The following PCDHA4 variants were observed in gnomAD, a reference collection of about 807,000 sequenced individuals.
The protein encoded by PCDHA4 is protocadherin alpha 4.
Under a neutral mutation model 61.4 loss-of-function variants are expected in PCDHA4, and 49 were observed. That is an observed-to-expected ratio of 0.80 (90% confidence interval 0.63 to 1.01). The LOEUF (loss-of-function observed/expected upper bound fraction) is 1.01, where lower values mean the gene tolerates loss of function less well. Ranked by LOEUF, PCDHA4 falls within the 50% of genes least tolerant of loss-of-function variation. The pLI is 0.00. For missense variants in PCDHA4, 1,254 were observed against 1,235.8 expected (o/e 1.01, Z -0.22); for synonymous variants, 590 against 550.3 (o/e 1.07, Z -1.01).
At chr5:140,881,559 C>A (rs1293330721) in intron 1 of PCDHA4, among the ~76,000 whole-genome samples, 1 of 152,174 alleles carries the variant, frequency 6.6e-6, no homozygotes, top group East Asian at 1.9e-4. Context: ...ATATAAATAT[C>A]TTATCTACAT....
At chr5:140,829,503 G>C (rs2150169106) in intron 1 of PCDHA4, 4 of 1,613,554 alleles carry the variant, frequency 2.5e-6, no homozygotes, top group Non-Finnish European at 2.5e-6. Flanking sequence ...AACCCGCCGG[G>C]CTGCCACATC....
intron 1 of PCDHA4, among the ~76,000 whole-genome samples, chr5:140,900,590 G>A (rs984247729): frequency 3.3e-5 from 5 of 152,174 alleles, no homozygotes; most frequent in South Asian, 2.1e-4. Flanking sequence ...TTCTTTACCC[G>A]TTCATCTGAT....
At chr5:140,870,053 T>C (rs782629825) in intron 1 of PCDHA4, 4 of 1,613,810 alleles carry the variant, frequency 2.5e-6, no homozygotes, top group Middle Eastern at 1.6e-4. Context: ...TTTTATAAAA[T>C]TGAAGTACAG....
At chr5:140,901,583 T>C (rs530803677) in intron 1 of PCDHA4, among the ~76,000 whole-genome samples, 14 of 152,340 alleles carry the variant, frequency 9.2e-5, no homozygotes, top group African/African-American at 3.4e-4. Context: ...GCCAGTGCCA[T>C]GATGTTTTGG....
intron 3 of PCDHA4, among the ~76,000 whole-genome samples, chr5:140,998,105 A>G (rs1554256162): frequency 6.6e-6 from 1 of 152,204 alleles, no homozygotes; most frequent in African/African-American, 2.4e-5. Context: ...CAAACAGAGG[A>G]GAAAATTTAC....
At chr5:140,880,586 G>C (rs1212732393) in intron 1 of PCDHA4, among the ~76,000 whole-genome samples, 1 of 152,206 alleles carries the variant, frequency 6.6e-6, no homozygotes, top group African/African-American at 2.4e-5. Context: ...AGAGGAAAGA[G>C]AATATGGAAG....
At chr5:140,993,509 CGG>C (rs2097568014) in intron 3 of PCDHA4, among the ~76,000 whole-genome samples, 2 of 143,600 alleles carry the variant, frequency 1.4e-5, no homozygotes, top group South Asian at 4.6e-4. Context: ...CACACACACA[CGG>C]GGAGAGAGAG....
rs375481139 is a variant in PCDHA4 at position 140,894,977 on chromosome 5, C to T, written c.2386-83972C>T. ...AAAAATATAATTTTTTAATGTCTTA[C>T]TTTGTGACATCCTTTACCCTTTTTA... On this transcript the variant is annotated intron_variant, in intron 1 of 3. Coordinates refer to ENST00000530339, the MANE Select transcript of PCDHA4 (RefSeq NM_018907.4). Among the ~76,000 whole-genome samples the T allele has an allele frequency of 4.5e-4, 69 of 152,216 alleles. No homozygotes were observed. The South Asian group carries it at 0.014, about 30-fold the overall frequency.
At chr5:140,895,130 G>A (rs1423440826) in intron 1 of PCDHA4, among the ~76,000 whole-genome samples, 11 of 152,232 alleles carry the variant, frequency 7.2e-5, no homozygotes, top group African/African-American at 2.6e-4. Flanking sequence ...TAGTTGACAA[G>A]TTCATAGGGC....
chr5:140,959,408 A>C (rs1554224058), intron 1 of PCDHA4, among the ~76,000 whole-genome samples: 2 of 152,124 alleles, frequency 1.3e-5, no homozygotes, highest in Non-Finnish European at 1.5e-5. Context: ...TAAAGTGTTG[A>C]TTGATCTGAG....
rs183413454 is a variant in PCDHA4 at position 140,846,304 on chromosome 5, C to A, written c.2385+36732C>A. Among the ~76,000 whole-genome samples, 113 of 148,752 alleles carry A rather than the reference C, an allele frequency of 7.6e-4. 8 individuals are homozygous for A. Among genetic ancestry groups the A allele is most frequent in the African/African-American group, 2.6e-3 (105 of 40,780 alleles). On this transcript the variant is annotated intron_variant, in intron 1 of 3. Transcript: ENST00000530339. Reference sequence around the variant, plus strand: ...GTTGTAGTTCTATGAATTAAGTAAACCATTTATGTAGAGTGTTGTAAATAG... The same window carrying A: ...GTTGTAGTTCTATGAATTAAGTAAAACATTTATGTAGAGTGTTGTAAATAG...
intron 1 of PCDHA4, among the ~76,000 whole-genome samples, chr5:140,837,700 C>A (rs1554136606): frequency 1.3e-5 from 2 of 151,152 alleles, no homozygotes; most frequent in Non-Finnish European, 2.9e-5. Flanking sequence ...TCAAGACACG[C>A]TCTCACTCCA....
chr5:140,848,526 G>T lies in PCDHA4; in HGVS notation c.2385+38954G>T. 1.9e-6 allele frequency: 3 copies of T among 1,594,384 alleles called. No individual in the cohort carries two copies. Among genetic ancestry groups the T allele is most frequent in the Non-Finnish European group, 2.6e-6 (3 of 1,164,792 alleles). ...ATACTCAAGTCGAGGAGATCCAGAGGGTCAGCCTCTACTGCTCTCGCTTCT... is the reference window on the plus strand; with the variant it reads ...ATACTCAAGTCGAGGAGATCCAGAGTGTCAGCCTCTACTGCTCTCGCTTCT... On this transcript the variant is annotated intron_variant, in intron 1 of 3. Coordinates refer to ENST00000530339, the MANE Select transcript of PCDHA4 (RefSeq NM_018907.4).
chr5:140,842,282 G>A (rs2150333421), intron 1 of PCDHA4: 1 of 1,610,576 alleles, frequency 6.2e-7, no homozygotes, highest in Admixed American at 1.7e-5. Flanking sequence ...AATCCTCATT[G>A]ACGCCACGGA....
intron 1 of PCDHA4, among the ~76,000 whole-genome samples, chr5:140,926,076 T>C (rs2082906284): frequency 1.3e-5 from 2 of 152,204 alleles, no homozygotes; most frequent in Admixed American, 1.3e-4. Context: ...TCGTCTCTAT[T>C]GCCCTCTTGG....
At chr5:140,815,021 G>A (rs2126660936) in intron 1 of PCDHA4, 1 of 151,964 alleles carries the variant, frequency 6.6e-6, no homozygotes, top group East Asian at 1.9e-4. Context: ...CACTCTTTTG[G>A]TTACAATTTG....
intron 1 of PCDHA4, among the ~76,000 whole-genome samples, chr5:140,912,549 A>G (rs2075971399): frequency 6.6e-6 from 1 of 152,152 alleles, no homozygotes; most frequent in East Asian, 1.9e-4. Context: ...TTGTCAGCAA[A>G]CAGCAACAGT....
intron 1 of PCDHA4, chr5:140,862,735 G>T: frequency 1.7e-6 from 1 of 574,782 alleles, no homozygotes. Flanking sequence ...GTCTAGCTAT[G>T]TGTGGGTGCA....
At position 140,864,979 on chromosome 5, in the gene PCDHA4, CTTGAGACCAGGAGT is replaced by C. The variant is rs2153225793; in HGVS notation, c.2385+55418_2385+55431del. 3.3e-5 allele frequency: 5 copies of C among 152,266 alleles called. No homozygotes were observed. In the South Asian group the frequency reaches 1.0e-3, roughly 32 times the overall value. The allele number at this position is 152,266 out of a possible 1,614,324, so 9.4% of individuals were successfully genotyped here. A position where few individuals can be genotyped will look rare whatever the true frequency, so the allele number is the denominator to read the frequency against. On this transcript the variant is annotated intron_variant, in intron 1 of 3. Coordinates refer to ENST00000530339, the MANE Select transcript of PCDHA4 (RefSeq NM_018907.4). ...TTGGGAAGCCGAGGGAGGAGGATCG[CTTGAGACCAGGAGT>C]TTGAGACCAGCCTCGGCAACATAGT...
Sources: allele counts gnomAD v4.1 joint callset (sites outside exome capture counted in the v4.1 genomes callset), GRCh38; gene constraint gnomAD v4.1.1; transcripts MANE v1.5; gene names NCBI Gene and HGNC (gene_info 2026-07-23, HGNC 2026-07-21).